Variants in RASA1 observed in about 807,000 individuals in gnomAD.
The protein encoded by RASA1 is RAS p21 protein activator 1.
RASA1 carries 25 observed loss-of-function variants against 132.2 expected under a neutral mutation model. The observed-to-expected ratio is 0.19, with a 90% CI of 0.14 to 0.26. The LOEUF is 0.26. RASA1 is among the 10% of genes least tolerant of loss of function. RASA1 has a pLI of 1.00. For missense variants in RASA1, 964 were observed against 1,299.2 expected, an observed-to-expected ratio of 0.74 and a Z score of 3.97; for synonymous variants, 477 against 449.9, an observed-to-expected ratio of 1.06 and a Z score of -0.76.
chr5:87,348,387 A>G (rs971655196), intron 7 of RASA1, among the ~76,000 whole-genome samples: 5 of 152,014 alleles, frequency 3.3e-5, no homozygotes, highest in Non-Finnish European at 7.4e-5. Context: ...TTGAACTTAA[A>G]TGGAGAAAAG....
intron 4 of RASA1, among the ~76,000 whole-genome samples, chr5:87,337,158 T>C (rs1758036903): frequency 6.6e-6 from 1 of 152,122 alleles, no homozygotes; most frequent in Non-Finnish European, 1.5e-5. Flanking sequence ...TTCAGATGCA[T>C]TCTTTTAAGC....
chr5:87,371,863 CGAT>C (rs552378341), intron 12 of RASA1, among the ~76,000 whole-genome samples: 189 of 152,086 alleles, frequency 1.2e-3, no homozygotes, highest in African/African-American at 4.4e-3. Flanking sequence ...AATGGCCACT[CGAT>C]GTGTTTCATA....
intron 9 of RASA1, among the ~76,000 whole-genome samples, chr5:87,354,588 C>A (rs529708059): frequency 8.5e-5 from 13 of 152,216 alleles, no homozygotes; most frequent in South Asian, 2.1e-4. Context: ...TCTGCAGACA[C>A]AACACTATTA....
At chr5:87,337,188 A>G (rs1758037433) in intron 4 of RASA1, among the ~76,000 whole-genome samples, 1 of 152,104 alleles carries the variant, frequency 6.6e-6, no homozygotes, top group South Asian at 2.1e-4. Context: ...CAAATTCAAG[A>G]ATTACTAATG....
intron 1 of RASA1, among the ~76,000 whole-genome samples, chr5:87,319,296 C>T (rs994788292): frequency 6.6e-6 from 1 of 152,232 alleles, no homozygotes; most frequent in East Asian, 1.9e-4. Context: ...TTAGGCAGTG[C>T]CCTAGTGGAG....
At chr5:87,294,841 C>G (rs1041030627) in intron 1 of RASA1, among the ~76,000 whole-genome samples, 6 of 152,176 alleles carry the variant, frequency 3.9e-5, no homozygotes, top group Non-Finnish European at 8.8e-5. Context: ...ATGAAGTAGT[C>G]TATAGATGTC....
intron 1 of RASA1, among the ~76,000 whole-genome samples, chr5:87,284,035 G>C (rs1754435782): frequency 6.6e-6 from 1 of 152,080 alleles, no homozygotes; most frequent in Admixed American, 6.5e-5. Context: ...AAGGTTGAAG[G>C]CCTTTTCTTT....
chr5:87,327,743 T>C (rs1757330426), intron 1 of RASA1, among the ~76,000 whole-genome samples: 1 of 152,170 alleles, frequency 6.6e-6, no homozygotes, highest in Non-Finnish European at 1.5e-5. Flanking sequence ...GGCAGGCAGA[T>C]TACCTGAGGT....
At chr5:87,321,243 T>A (rs983421711) in intron 1 of RASA1, among the ~76,000 whole-genome samples, 1 of 152,230 alleles carries the variant, frequency 6.6e-6, no homozygotes, top group African/African-American at 2.4e-5. Context: ...AAATTGTTTT[T>A]CCTCTGCTCT....
intron 1 of RASA1, among the ~76,000 whole-genome samples, chr5:87,307,056 T>TG (rs1256202911): frequency 5.3e-5 from 8 of 152,094 alleles, no homozygotes; most frequent in Non-Finnish European, 7.4e-5. Flanking sequence ...TTTGTAGAGT[T>TG]GGGGGTCTTG....
intron 1 of RASA1, among the ~76,000 whole-genome samples, chr5:87,306,372 A>G (rs2112295232): frequency 6.6e-6 from 1 of 152,318 alleles, no homozygotes; most frequent in East Asian, 1.9e-4. Flanking sequence ...CAGGAAGAGA[A>G]AAGTCAAATA....
intron 17 of RASA1, among the ~76,000 whole-genome samples, chr5:87,377,378 T>C (rs1227184349): frequency 6.6e-6 from 1 of 152,224 alleles, no homozygotes; most frequent in African/African-American, 2.4e-5. Flanking sequence ...TCGCCCAGGC[T>C]GCAGTGCAGT....
intron 1 of RASA1, among the ~76,000 whole-genome samples, chr5:87,305,516 C>T (rs1469448154): frequency 3.9e-5 from 6 of 152,070 alleles, no homozygotes; most frequent in Non-Finnish European, 7.4e-5. Flanking sequence ...AATATAACAC[C>T]CCATACTATA....
At chr5:87,357,834 C>T (rs968959945) in intron 9 of RASA1, among the ~76,000 whole-genome samples, 1 of 152,158 alleles carries the variant, frequency 6.6e-6, no homozygotes, top group Non-Finnish European at 1.5e-5. Context: ...CTGAACAAAC[C>T]TCCAATTGGT....
intron 4 of RASA1, among the ~76,000 whole-genome samples, chr5:87,336,653 G>A (rs943336070): frequency 6.6e-6 from 1 of 152,034 alleles, no homozygotes; most frequent in Non-Finnish European, 1.5e-5. Flanking sequence ...CAACAACAAT[G>A]AAACTTGAAA....
intron 4 of RASA1, among the ~76,000 whole-genome samples, chr5:87,335,676 T>C (rs756492096): frequency 1.3e-5 from 2 of 152,156 alleles, no homozygotes; most frequent in Non-Finnish European, 2.9e-5. Context: ...TCTGCCCGCC[T>C]TGGCCTCCCA....
At position 87,304,095 on chromosome 5, in the gene RASA1, A is replaced by G. The variant is rs190298613; in HGVS notation, c.540-27253A>G. The stretch of plus-strand genomic sequence containing the variant: ...GGTGATCCTCCTGCCTCAGCCTCCC[A>G]AAGTTTTGGGATTACAGGCATGAGC... On this transcript the variant is annotated intron_variant, in intron 1 of 24. Coordinates refer to ENST00000274376, the MANE Select transcript of RASA1 (RefSeq NM_002890.3). Among the ~76,000 whole-genome samples the G allele has an allele frequency of 2.5e-3, 386 of 152,174 alleles. 1 individual carries two copies. The highest frequency in any genetic ancestry group is 8.8e-3 in the African/African-American group (364 of 41,536).
At chr5:87,300,624 T>G (rs1425243033) in intron 1 of RASA1, among the ~76,000 whole-genome samples, 31 of 152,204 alleles carry the variant, frequency 2.0e-4, no homozygotes, top group Admixed American at 2.0e-3. Flanking sequence ...TTGGATGAAA[T>G]CTTATGCAAT....
At chr5:87,390,729 A>C in intron 24 of RASA1, 71 bp from the exon 25 acceptor site, 1 of 1,305,564 alleles carries the variant, frequency 7.7e-7, no homozygotes, top group Non-Finnish European at 1.1e-6. Flanking sequence ...GTTTTTTTCA[A>C]ATCCAGGTTC....
Sources: gnomAD v4.1 joint callset for allele counts (sites outside exome capture counted in the v4.1 genomes callset) on GRCh38, gnomAD v4.1.1 for gene constraint, MANE v1.5 for transcripts, NCBI Gene and HGNC (gene_info 2026-07-23, HGNC 2026-07-21) for gene names.